The following NFIA variants were observed in gnomAD, a reference collection of about 807,000 sequenced individuals.
NFIA encodes the protein nuclear factor I A, also known as nuclear factor 1 A-type.
Under a neutral mutation model 62.8 loss-of-function variants are expected in NFIA, and 8 were observed. The ratio of observed to expected loss-of-function variants is 0.13; its 90% CI spans 0.07 to 0.23. The LOEUF (loss-of-function observed/expected upper bound fraction) is 0.23. Ranked by LOEUF, NFIA falls within the 10% of genes least tolerant of loss-of-function variation. NFIA has a pLI of 1.00. For missense variants in NFIA, 410 were observed against 642.1 expected (o/e 0.64, Z 3.91); for synonymous variants, 235 against 238.1 (o/e 0.99, Z 0.12).
intron 2 of NFIA, among the ~76,000 whole-genome samples, chr1:61,181,121 G>A (rs1207879142): frequency 6.6e-6 from 1 of 152,226 alleles, no homozygotes; most frequent in Non-Finnish European, 1.5e-5. Context: ...CCCCAGATAT[G>A]CTTACTTGCT....
chr1:61,141,735 A>G (rs773151054), intron 2 of NFIA, among the ~76,000 whole-genome samples: 11 of 152,176 alleles, frequency 7.2e-5, no homozygotes, highest in Non-Finnish European at 1.5e-4. Flanking sequence ...TTTCATTTCC[A>G]CACCAAAATA....
At chr1:61,201,222 G>GGA (rs1426347358) in intron 2 of NFIA, among the ~76,000 whole-genome samples, 1 of 152,108 alleles carries the variant, frequency 6.6e-6, no homozygotes, top group Non-Finnish European at 1.5e-5. Flanking sequence ...AAAATATAAT[G>GGA]ATTGTTGATA....
chr1:61,138,992 C>T (rs1364145266), intron 2 of NFIA, among the ~76,000 whole-genome samples: 1 of 151,788 alleles, frequency 6.6e-6, no homozygotes, highest in Non-Finnish European at 1.5e-5. Context: ...GAGATCGAGA[C>T]CAGCCTGGCC....
Position 61,149,067 on chromosome 1 carries a change from T to C in NFIA, c.559+60387T>C, listed in dbSNP as rs1570265895. Among the ~76,000 whole-genome samples the C allele has an allele frequency of 2.0e-5, 3 of 150,960 alleles. No individual in the cohort carries two copies. In the South Asian group the frequency reaches 6.3e-4, roughly 32 times the overall value. On this transcript the variant is annotated intron_variant, in intron 2 of 10. Transcript: ENST00000403491. Reference sequence around the variant, plus strand: ...TCTTTTTCTTTCTTTCTTTTTTTTTTTTTTTTTGGATGAGATATGGGTCTA... The same window carrying C: ...TCTTTTTCTTTCTTTCTTTTTTTTTCTTTTTTTGGATGAGATATGGGTCTA...
chr1:61,392,120 C>G (rs1362842813), intron 7 of NFIA, among the ~76,000 whole-genome samples: 1 of 152,172 alleles, frequency 6.6e-6, no homozygotes, highest in Admixed American at 6.5e-5. Flanking sequence ...GGCTTGTGAG[C>G]CTCGTTCAGG....
At chr1:61,164,130 A>C (rs1649406838) in intron 2 of NFIA, among the ~76,000 whole-genome samples, 1 of 152,162 alleles carries the variant, frequency 6.6e-6, no homozygotes, top group South Asian at 2.1e-4. Context: ...GTCCAGCAGT[A>C]ATAGCTAGTG....
intron 10 of NFIA, among the ~76,000 whole-genome samples, chr1:61,426,797 G>A (rs1232780593): frequency 6.6e-6 from 1 of 151,560 alleles, no homozygotes; most frequent in Non-Finnish European, 1.5e-5. Context: ...GCACAAAAAG[G>A]TTTCCCAGTG....
chr1:61,171,788 C>T (rs1159423712), intron 2 of NFIA, among the ~76,000 whole-genome samples: 2 of 152,150 alleles, frequency 1.3e-5, no homozygotes, highest in Non-Finnish European at 2.9e-5. Context: ...CCTTAATTCT[C>T]ATCTTCTGTA....
intron 2 of NFIA, among the ~76,000 whole-genome samples, chr1:61,172,883 A>G (rs1241296686): frequency 6.6e-6 from 1 of 152,258 alleles, no homozygotes; most frequent in African/African-American, 2.4e-5. Flanking sequence ...CATTTGAGAA[A>G]GACTATTGAA....
At chr1:61,171,059 G>T (rs1470378589) in intron 2 of NFIA, among the ~76,000 whole-genome samples, 1 of 152,176 alleles carries the variant, frequency 6.6e-6, no homozygotes, top group Non-Finnish European at 1.5e-5. Flanking sequence ...ACGGCTGCTT[G>T]TGTTAATACT....
chr1:61,300,056 G>T (rs1378024686), intron 3 of NFIA, among the ~76,000 whole-genome samples: 1 of 151,934 alleles, frequency 6.6e-6, no homozygotes, highest in Non-Finnish European at 1.5e-5. Flanking sequence ...AGCTGGCCAG[G>T]TCCTCTCAAG....
In NFIA at chr1:61,082,833, G is replaced by C. The variant is rs781276467; in HGVS notation, c.27+15G>C. 6.5e-7 allele frequency: 1 copy of C among 1,548,970 alleles called. No homozygotes were observed. The highest frequency in any genetic ancestry group is 1.2e-5 in the South Asian group (1 of 83,900). On this transcript the variant is annotated intron_variant, in intron 1 of 10. Transcript: ENST00000403491. ...GTCTCACCCAGGTAAGCCGCGGCGT[G>C]GATGCGGAGGGCTTGGGGGCCGGGG...
At chr1:61,355,469 C>T (rs1428529760) in intron 5 of NFIA, among the ~76,000 whole-genome samples, 2 of 152,126 alleles carry the variant, frequency 1.3e-5, no homozygotes, top group African/African-American at 4.8e-5. Context: ...CAAGATAAAC[C>T]AGCTGTCAAA....
chr1:61,398,215 A>G (rs1665381028), intron 7 of NFIA, among the ~76,000 whole-genome samples: 1 of 152,244 alleles, frequency 6.6e-6, no homozygotes, highest in African/African-American at 2.4e-5. Flanking sequence ...CAGTTGCAAC[A>G]GAGACCATAT....
intron 3 of NFIA, among the ~76,000 whole-genome samples, chr1:61,288,220 G>A (rs1047796375): frequency 6.6e-6 from 1 of 152,168 alleles, no homozygotes; most frequent in Non-Finnish European, 1.5e-5. Flanking sequence ...GATGAAAATA[G>A]GAAATCAGTC....
At chr1:61,219,844 T>G (rs980755245) in intron 2 of NFIA, among the ~76,000 whole-genome samples, 5 of 151,966 alleles carry the variant, frequency 3.3e-5, no homozygotes, top group Non-Finnish European at 5.9e-5. Context: ...CACGCCTTAG[T>G]CCCAGCTACT....
At chr1:61,316,832 A>G (rs1660390156) in intron 3 of NFIA, among the ~76,000 whole-genome samples, 1 of 152,182 alleles carries the variant, frequency 6.6e-6, no homozygotes, top group Non-Finnish European at 1.5e-5. Flanking sequence ...TTAAAGCTAT[A>G]AGGAATCAAG....
At chr1:61,228,180 A>G (rs774501835) in intron 2 of NFIA, among the ~76,000 whole-genome samples, 5 of 152,160 alleles carry the variant, frequency 3.3e-5, no homozygotes, top group African/African-American at 1.2e-4. Context: ...TTTTATTAGA[A>G]TTGTCAGTCA....
At chr1:61,077,550 CA>C (rs544444924), upstream of NFIA, 331 of 1,201,458 alleles carry the variant, frequency 2.8e-4, no homozygotes, top group South Asian at 1.3e-3. Context: ...TTTTTAAATG[CA>C]AAAAAAAGGG....
Sources: gnomAD v4.1 joint callset for allele counts (sites outside exome capture counted in the v4.1 genomes callset) on GRCh38, gnomAD v4.1.1 for gene constraint, MANE v1.5 for transcripts, NCBI Gene and HGNC (gene_info 2026-07-23, HGNC 2026-07-21) for gene names.